The following DAB1 variants were observed in gnomAD, a reference collection of about 807,000 sequenced individuals.
The protein encoded by DAB1 is disabled homolog 1.
DAB1 carries 15 observed loss-of-function variants against 64.6 expected under a neutral mutation model. The observed-to-expected ratio is 0.23, with a 90% CI of 0.16 to 0.36. DAB1 has a LOEUF of 0.36. Ranked by LOEUF, DAB1 falls within the 10% of genes least tolerant of loss-of-function variation. The pLI is 1.00. For synonymous variants in DAB1, 235 were observed against 251.9 expected, an observed-to-expected ratio of 0.93 and a Z score of 0.64; for missense variants, 596 against 706.7, an observed-to-expected ratio of 0.84 and a Z score of 1.78.
At chr1:57,242,185 C>T (rs1160506383) in intron 2 of DAB1, among the ~76,000 whole-genome samples, 1 of 152,186 alleles carries the variant, frequency 6.6e-6, no homozygotes, top group Admixed American at 6.5e-5. Flanking sequence ...TACAAGCCAA[C>T]TCCAAGGTCC....
chr1:58,368,297 G>C (rs781370603), intron 3 of DAB1, among the ~76,000 whole-genome samples: 1 of 152,090 alleles, frequency 6.6e-6, no homozygotes, highest in African/African-American at 2.4e-5. Flanking sequence ...TTCATGCCCA[G>C]TAATAACAAT....
chr1:57,602,891 G>A (rs1645591187), intron 7 of DAB1, among the ~76,000 whole-genome samples: 1 of 152,102 alleles, frequency 6.6e-6, no homozygotes, highest in East Asian at 1.9e-4. Flanking sequence ...GGAACTTGGG[G>A]TGCTATTTCC....
intron 1 of DAB1, among the ~76,000 whole-genome samples, chr1:57,831,116 C>T (rs552596437): frequency 1.3e-5 from 2 of 152,024 alleles, no homozygotes; most frequent in East Asian, 3.9e-4. Context: ...GGTTTCACCA[C>T]GTTAGCCAGG....
In DAB1 at chr1:57,067,744, GAAAA is replaced by G. The variant is rs753470286; in HGVS notation, c.663+1612_663+1615del. On this transcript the variant is annotated intron_variant, in intron 8 of 14. Coordinates refer to ENST00000371236, the MANE Select transcript of DAB1 (RefSeq NM_001365792.1). ...CAGATGAGTAAACTGAAGCCCAGAG[GAAAA>G]AAAAATACTTGACAGTTAAATTAAT... 4.0e-5 allele frequency among the ~76,000 whole-genome samples: 6 copies of G among 150,396 alleles called. No individual in the cohort carries two copies. In the East Asian group the frequency reaches 5.8e-4, roughly 15 times the overall value.
At chr1:58,217,644 G>T (rs1260932557) in intron 4 of DAB1, among the ~76,000 whole-genome samples, 1 of 152,150 alleles carries the variant, frequency 6.6e-6, no homozygotes, top group African/African-American at 2.4e-5. Flanking sequence ...ACCGCACTGG[G>T]ATATTAGGAG....
chr1:57,252,111 G>C (rs953894531), intron 2 of DAB1, among the ~76,000 whole-genome samples: 2 of 152,244 alleles, frequency 1.3e-5, no homozygotes, highest in East Asian at 3.8e-4. Flanking sequence ...ACTTAAAAGA[G>C]TAGATTTAAG....
intron 4 of DAB1, among the ~76,000 whole-genome samples, chr1:58,309,419 A>T (rs955512656): frequency 8.5e-5 from 13 of 152,200 alleles, no homozygotes; most frequent in Admixed American, 2.0e-4. Context: ...GATACTTAAC[A>T]TCTCATTCCT....
At chr1:58,500,393 C>A (rs1410904996) in intron 3 of DAB1, among the ~76,000 whole-genome samples, 1 of 152,180 alleles carries the variant, frequency 6.6e-6, no homozygotes, top group Non-Finnish European at 1.5e-5. Flanking sequence ...GTTAAACACT[C>A]ATGTTTTCTG....
At chr1:58,322,287 A>C (rs1196614289) in intron 4 of DAB1, among the ~76,000 whole-genome samples, 2 of 152,208 alleles carry the variant, frequency 1.3e-5, no homozygotes, top group African/African-American at 4.8e-5. Context: ...AGAAACTACT[A>C]TCAGAGTGAA....
chr1:57,533,706 T>A (rs1341315), intron 7 of DAB1, among the ~76,000 whole-genome samples: 3,289 of 151,802 alleles, frequency 0.022, 131 homozygotes, highest in African/African-American at 0.075. Context: ...GACTTTTTTT[T>A]TAAATATTCT....
chr1:57,599,049 C>G (rs1190009640), intron 7 of DAB1, among the ~76,000 whole-genome samples: 1 of 149,464 alleles, frequency 6.7e-6, no homozygotes, highest in Non-Finnish European at 1.5e-5. Flanking sequence ...TTTTTCTGCA[C>G]CCCTCTAGCC....
At chr1:57,905,138 C>CA (rs1037008372) in intron 5 of DAB1, among the ~76,000 whole-genome samples, 5 of 151,768 alleles carry the variant, frequency 3.3e-5, no homozygotes, top group Non-Finnish European at 5.9e-5. Flanking sequence ...GAAACTGAGG[C>CA]AAAAAAACTT....
chr1:57,915,360 A>C (rs1391843705), intron 5 of DAB1, among the ~76,000 whole-genome samples: 1 of 152,148 alleles, frequency 6.6e-6, no homozygotes, highest in Non-Finnish European at 1.5e-5. Context: ...CACCTAGGCC[A>C]GTTGAAAACC....
At chr1:58,191,626 T>G (rs765265668) in intron 4 of DAB1, among the ~76,000 whole-genome samples, 2 of 152,188 alleles carry the variant, frequency 1.3e-5, no homozygotes, top group Non-Finnish European at 2.9e-5. Flanking sequence ...TGCTTTGCAA[T>G]CGAGGGGCCA....
At chr1:57,906,631 G>A (rs1644555293) in intron 5 of DAB1, among the ~76,000 whole-genome samples, 2 of 152,264 alleles carry the variant, frequency 1.3e-5, no homozygotes, top group South Asian at 2.1e-4. Flanking sequence ...GAAGGTGAAA[G>A]GGAAAGCTAT....
intron 6 of DAB1, among the ~76,000 whole-genome samples, chr1:57,668,953 G>A (rs1011122759): frequency 2.6e-5 from 4 of 152,010 alleles, no homozygotes; most frequent in African/African-American, 7.2e-5. Flanking sequence ...ATTATAAATA[G>A]CTCCCTTTTT....
At chr1:58,234,182 A>G (rs1659909204) in intron 4 of DAB1, among the ~76,000 whole-genome samples, 1 of 152,216 alleles carries the variant, frequency 6.6e-6, no homozygotes, top group Admixed American at 6.5e-5. Flanking sequence ...TTCCTAACTC[A>G]TGCTTGTCTG....
chr1:58,385,037 C>T (rs1053037789), intron 3 of DAB1, among the ~76,000 whole-genome samples: 2 of 152,196 alleles, frequency 1.3e-5, no homozygotes, highest in East Asian at 3.8e-4. Flanking sequence ...AGTTGACAGT[C>T]AGTATTAACC....
intron 3 of DAB1, among the ~76,000 whole-genome samples, chr1:58,485,795 C>G (rs1039412692): frequency 6.6e-6 from 1 of 152,156 alleles, no homozygotes; most frequent in Non-Finnish European, 1.5e-5. Context: ...ACTCCACGCA[C>G]TGCACATAAC....
Sources: gnomAD v4.1 joint callset for allele counts (sites outside exome capture counted in the v4.1 genomes callset) on GRCh38, gnomAD v4.1.1 for gene constraint, MANE v1.5 for transcripts, NCBI Gene and HGNC (gene_info 2026-07-23, HGNC 2026-07-21) for gene names.